The following DOCK2 variants were observed in gnomAD, a reference collection of about 807,000 sequenced individuals.
DOCK2 encodes the protein dedicator of cytokinesis protein 2.
A neutral mutation model predicts 248.9 loss-of-function variants in DOCK2; 87 were observed. That is an observed-to-expected ratio of 0.35 (90% CI 0.29 to 0.42). DOCK2 has a LOEUF of 0.42. Ranked by LOEUF, DOCK2 falls within the 10% of genes least tolerant of loss-of-function variation. DOCK2 has a pLI of 1.00. For missense variants in DOCK2, 1,747 were observed against 2,300.2 expected, an observed-to-expected ratio of 0.76 and a Z score of 4.92; for synonymous variants, 805 against 821.6, an observed-to-expected ratio of 0.98 and a Z score of 0.35.
intron 30 of DOCK2, among the ~76,000 whole-genome samples, chr5:170,001,629 C>T (rs77929705): frequency 6.6e-6 from 1 of 152,078 alleles, no homozygotes; most frequent in East Asian, 1.9e-4. Flanking sequence ...GAGGATTTAA[C>T]CAGAATGCAT....
At chr5:169,706,624 G>A (rs551028074) in intron 14 of DOCK2, among the ~76,000 whole-genome samples, 2 of 152,186 alleles carry the variant, frequency 1.3e-5, no homozygotes, top group Non-Finnish European at 1.5e-5. Context: ...TCAGTGCCTC[G>A]GGAAGTTCTG....
intron 25 of DOCK2, among the ~76,000 whole-genome samples, chr5:169,788,814 A>G (rs577087609): frequency 1.1e-4 from 17 of 152,344 alleles, no homozygotes; most frequent in Middle Eastern, 3.4e-3. Context: ...GGCACTGAGC[A>G]TAATTTGAAA....
At chr5:169,875,452 G>A in intron 27 of DOCK2, 1 of 369,544 alleles carries the variant, frequency 2.7e-6, no homozygotes, top group South Asian at 2.0e-5. Flanking sequence ...ATTCCACTGA[G>A]ACCTAATATC....
chr5:169,753,897 C>CCAGTT (rs1340311843), intron 23 of DOCK2, among the ~76,000 whole-genome samples: 1 of 152,182 alleles, frequency 6.6e-6, no homozygotes, highest in Non-Finnish European at 1.5e-5. Context: ...CATCGTTTTT[C>CCAGTT]CAGTTTCTAT....
intron 25 of DOCK2, among the ~76,000 whole-genome samples, chr5:169,784,458 G>A (rs534539228): frequency 6.5e-4 from 99 of 152,272 alleles, no homozygotes; most frequent in African/African-American, 2.3e-3. Context: ...TTAAAAGTTA[G>A]GAATCCAGAT....
chr5:169,880,516 G>A (rs919088799), intron 27 of DOCK2, among the ~76,000 whole-genome samples: 3 of 152,214 alleles, frequency 2.0e-5, no homozygotes, highest in Non-Finnish European at 4.4e-5. Flanking sequence ...TGTCGTCAAC[G>A]GAAATTACTG....
chr5:169,669,284 G>T lies in DOCK2; in HGVS notation c.128-4G>T, dbSNP rs748132684. ...GGAACTGTTTCTTTGTTTTCTTTTTGCAGACTGGTATAGGGGATACCTCAT... is the reference window on the plus strand; with the variant it reads ...GGAACTGTTTCTTTGTTTTCTTTTTTCAGACTGGTATAGGGGATACCTCAT... On this transcript the variant is annotated splice_polypyrimidine_tract_variant and splice_region_variant and intron_variant, in intron 2 of 51. Transcript: ENST00000520908. The T allele has an allele frequency of 6.2e-7, 1 of 1,612,396 alleles. No homozygotes were observed. Among genetic ancestry groups the T allele is most frequent in the Admixed American group, 1.7e-5 (1 of 59,608 alleles).
chr5:169,730,249 TC>T (rs1762700004), intron 22 of DOCK2, among the ~76,000 whole-genome samples: 1 of 152,172 alleles, frequency 6.6e-6, no homozygotes, highest in Non-Finnish European at 1.5e-5. Flanking sequence ...GAGCCACTGC[TC>T]CTGGCCCTGT....
At position 169,711,914 on chromosome 5, in the gene DOCK2, GCT is replaced by G; in HGVS notation, c.1483-18_1483-17del. 6.2e-7 allele frequency: 1 copy of G among 1,613,410 alleles called. No homozygotes were observed. On this transcript the variant is annotated intron_variant, in intron 15 of 51. Coordinates refer to ENST00000520908, the MANE Select transcript of DOCK2 (RefSeq NM_004946.3). ...GGCCCTTTAACTCATTGTGTTCTGA[GCT>G]CTGTTTCTGTCTGCTGAGGTGGCTG...
intron 47 of DOCK2, 58 bp from the exon 48 acceptor site, chr5:170,077,652 A>G: frequency 6.2e-7 from 1 of 1,600,824 alleles, no homozygotes; most frequent in Non-Finnish European, 8.5e-7. Context: ...GGTGACAGGA[A>G]GGCTGGGGCC....
rs949018001 is a variant in DOCK2, at chr5:169,740,318, C to T, written c.2268-7078C>T. 5.3e-5 allele frequency among the ~76,000 whole-genome samples: 8 copies of T among 152,002 alleles called. No individual in the cohort carries two copies. In the East Asian group the frequency reaches 1.5e-3, roughly 29 times the overall value. On this transcript the variant is annotated intron_variant, in intron 22 of 51. Coordinates refer to ENST00000520908, the MANE Select transcript of DOCK2 (RefSeq NM_004946.3). Reference sequence around the variant, plus strand: ...TTTTTTTTATTTAGAACTGTTTATACTTCCATCAGAGGCAGTTTTTCTTCA... The same window carrying T: ...TTTTTTTTATTTAGAACTGTTTATATTTCCATCAGAGGCAGTTTTTCTTCA...
intron 22 of DOCK2, among the ~76,000 whole-genome samples, chr5:169,741,231 G>T (rs1307608052): frequency 6.6e-6 from 1 of 152,176 alleles, no homozygotes; most frequent in African/African-American, 2.4e-5. Context: ...AGGTGGGGAT[G>T]GTGGCAGTGA....
chr5:169,698,084 A>C (rs191157356), intron 10 of DOCK2, among the ~76,000 whole-genome samples: 84 of 152,352 alleles, frequency 5.5e-4, no homozygotes, highest in African/African-American at 2.0e-3. Flanking sequence ...TTCCACAGCC[A>C]CGGCTCTGAC....
rs138128567 is a variant in DOCK2, at chr5:169,843,839, C to T, written c.2799+2987C>T. Among the ~76,000 whole-genome samples, 526 of 152,314 alleles carry T rather than the reference C, an allele frequency of 3.5e-3. 2 individuals are homozygous for T. Among genetic ancestry groups the T allele is most frequent in the Middle Eastern group, 6.8e-3 (2 of 294 alleles). On this transcript the variant is annotated intron_variant, in intron 27 of 51. Coordinates refer to ENST00000520908, the MANE Select transcript of DOCK2 (RefSeq NM_004946.3). ...ATTTGTGTCTGTCTTCTTTCCTTAGCATAATGTTTTTGAGGTTTGTCCATA... is the reference window on the plus strand; with the variant it reads ...ATTTGTGTCTGTCTTCTTTCCTTAGTATAATGTTTTTGAGGTTTGTCCATA...
At chr5:170,058,949 A>C (rs1047957124) in intron 44 of DOCK2, among the ~76,000 whole-genome samples, 4 of 152,178 alleles carry the variant, frequency 2.6e-5, no homozygotes, top group Middle Eastern at 3.2e-3. Flanking sequence ...CATTGTTTTG[A>C]GTATGGGCTC....
At chr5:169,849,207 G>C (rs1770486135) in intron 27 of DOCK2, among the ~76,000 whole-genome samples, 1 of 152,206 alleles carries the variant, frequency 6.6e-6, no homozygotes, top group South Asian at 2.1e-4. Flanking sequence ...CAGGCACCCT[G>C]TATGCTAGGC....
At position 170,081,769 on chromosome 5, in the gene DOCK2, C is replaced by G. The variant is rs556289384; in HGVS notation, c.5288-73C>G. On this transcript the variant is annotated intron_variant, in intron 50 of 51. Coordinates refer to ENST00000520908, the MANE Select transcript of DOCK2 (RefSeq NM_004946.3). ...GCTGGCTCTGTCCCCCAGCCCTCCC[C>G]CTGTCTACCTCCCCCAAGGCACTGC... 6.6e-6 allele frequency: 9 copies of G among 1,358,396 alleles called. No individual in the cohort carries two copies. In the East Asian group the frequency reaches 2.4e-4, roughly 37 times the overall value. 84.1% of individuals were successfully genotyped at this position (1,358,396 alleles called of 1,614,324 possible).
At chr5:169,755,558 C>T (rs1194407215) in intron 23 of DOCK2, among the ~76,000 whole-genome samples, 1 of 152,010 alleles carries the variant, frequency 6.6e-6, no homozygotes, top group Non-Finnish European at 1.5e-5. Flanking sequence ...GACTGGCCAA[C>T]ATAGTGAAAT....
At chr5:169,976,859 C>T (rs1260021212) in intron 27 of DOCK2, among the ~76,000 whole-genome samples, 2 of 152,178 alleles carry the variant, frequency 1.3e-5, no homozygotes, top group African/African-American at 2.4e-5. Context: ...CAGGGCACAC[C>T]CAGCATATGC....
Sources: gnomAD v4.1 joint callset for allele counts (sites outside exome capture counted in the v4.1 genomes callset) on GRCh38, gnomAD v4.1.1 for gene constraint, MANE v1.5 for transcripts, NCBI Gene and HGNC (gene_info 2026-07-23, HGNC 2026-07-21) for gene names.